Variants in SRPX observed in about 807,000 individuals in gnomAD.
The protein encoded by SRPX is sushi repeat containing protein X-linked.
Under a neutral mutation model 38.1 loss-of-function variants are expected in SRPX, and 24 were observed. The ratio of observed to expected loss-of-function variants is 0.63; its 90% CI spans 0.46 to 0.89. The LOEUF is 0.89. SRPX is among the 40% of genes least tolerant of loss of function. SRPX has a pLI of 0.00. For synonymous variants in SRPX, 184 were observed against 153.8 expected (o/e 1.20, Z -1.45); for missense variants, 416 against 377.8 (o/e 1.10, Z -0.84).
chrX:38,208,059 C>T (rs901149795), intron 1 of SRPX, among the ~76,000 whole-genome samples: 3 of 112,063 alleles, frequency 2.7e-5, no homozygotes, highest in African/African-American at 9.7e-5. Flanking sequence ...ACCCAAATCA[C>T]TACCATATAT....
intron 5 of SRPX, among the ~76,000 whole-genome samples, chrX:38,162,359 G>A (rs1938280009): frequency 9.0e-6 from 1 of 111,729 alleles, no homozygotes; most frequent in South Asian, 3.8e-4. Flanking sequence ...TAGTGAGAGC[G>A]AAAAGGGAAC....
intron 1 of SRPX, among the ~76,000 whole-genome samples, chrX:38,190,988 C>T (rs192347865): frequency 1.2e-3 from 135 of 111,289 alleles, no homozygotes; most frequent in African/African-American, 4.0e-3. Context: ...AAGCTGCCAA[C>T]GACAAAGATT....
intron 9 of SRPX, among the ~76,000 whole-genome samples, chrX:38,151,680 C>T (rs751438095): frequency 9.0e-6 from 1 of 111,037 alleles, no homozygotes; most frequent in African/African-American, 3.3e-5. Context: ...CCACTAGGGC[C>T]GAAAGACCAC....
chrX:38,202,478 A>G (rs1939131169), intron 1 of SRPX, among the ~76,000 whole-genome samples: 1 of 111,910 alleles, frequency 8.9e-6, no homozygotes, highest in Admixed American at 9.5e-5. Flanking sequence ...AAGAAACTAC[A>G]GAACAAAACA....
In SRPX at chrX:38,149,690, G is replaced by T. The variant is rs1937972117; in HGVS notation, c.*21C>A. 3 of 1,195,217 alleles carry T rather than the reference G, an allele frequency of 2.5e-6. No individual in the cohort carries two copies. Among genetic ancestry groups the T allele is most frequent in the African/African-American group, 1.8e-5 (1 of 56,997 alleles). ...ACTATGTAGACAATGAAGAGGAATT[G>T]CCAAGAGAGGAACCATCATGTCAGG... On this transcript the variant is annotated 3_prime_UTR_variant, in exon 10 of 10. Transcript: ENST00000378533.
intron 7 of SRPX, among the ~76,000 whole-genome samples, chrX:38,158,353 A>C (rs1376702732): frequency 8.9e-6 from 1 of 112,552 alleles, no homozygotes; most frequent in Non-Finnish European, 1.9e-5. Context: ...AGGCAAGCAA[A>C]AGGCTTAGCC....
At chrX:38,184,865 G>T (rs112157266) in intron 1 of SRPX, among the ~76,000 whole-genome samples, 1 of 112,168 alleles carries the variant, frequency 8.9e-6, no homozygotes, top group Admixed American at 9.4e-5. Flanking sequence ...TTTCTGCAAT[G>T]ATGGAAATAT....
intron 1 of SRPX, among the ~76,000 whole-genome samples, chrX:38,183,106 T>C (rs780088734): frequency 9.4e-6 from 1 of 106,300 alleles, no homozygotes; most frequent in Non-Finnish European, 1.9e-5. Context: ...CAGGAGGGAG[T>C]GTAGTGGTAT....
chrX:38,192,436 C>T (rs1302790389), intron 1 of SRPX, among the ~76,000 whole-genome samples: 2 of 111,531 alleles, frequency 1.8e-5, no homozygotes, highest in African/African-American at 6.5e-5. Flanking sequence ...CCCTGAAACA[C>T]AGCATTCAGG....
chrX:38,161,150 G>C lies in SRPX; in HGVS notation c.654-96C>G, dbSNP rs571677290. On this transcript the variant is annotated intron_variant, in intron 5 of 9. Transcript: ENST00000378533. Reference sequence around the variant, plus strand: ...TCTTTACAGGACATGGAGAGACTGAGGGGCAACCATTAGACCAGTTTAAAT... The same window carrying C: ...TCTTTACAGGACATGGAGAGACTGACGGGCAACCATTAGACCAGTTTAAAT... The C allele has an allele frequency of 1.3e-3, 1,289 of 991,973 alleles. 15 individuals are homozygous for C. In the South Asian group the frequency reaches 0.032, roughly 24 times the overall value. 81.7% of individuals were successfully genotyped at this position (991,973 alleles called of 1,213,427 possible).
At chrX:38,188,395 A>G (rs1938829240) in intron 1 of SRPX, among the ~76,000 whole-genome samples, 1 of 112,243 alleles carries the variant, frequency 8.9e-6, no homozygotes, top group Admixed American at 9.4e-5. Flanking sequence ...ATCAACTAAG[A>G]ATAGTATGTT....
intron 1 of SRPX, among the ~76,000 whole-genome samples, chrX:38,191,758 T>G (rs1447902059): frequency 8.9e-6 from 1 of 112,132 alleles, no homozygotes; most frequent in African/African-American, 3.2e-5. Context: ...GTGCATGGTA[T>G]GTGTGTGTTT....
chrX:38,159,940 G>C, intron 7 of SRPX, 77 bp downstream of exon 7: 2 of 1,082,124 alleles, frequency 1.8e-6, no homozygotes, highest in Non-Finnish European at 2.5e-6. Flanking sequence ...TATATGAAGG[G>C]AAACCTCTCT....
At chrX:38,164,093 A>G (rs1344469293) in intron 5 of SRPX, among the ~76,000 whole-genome samples, 1 of 108,899 alleles carries the variant, frequency 9.2e-6, no homozygotes, top group Admixed American at 9.8e-5. Flanking sequence ...TTTATTTTTA[A>G]TTTTTGTGAG....
intron 1 of SRPX, among the ~76,000 whole-genome samples, chrX:38,180,896 A>T (rs778505687): frequency 2.7e-5 from 3 of 112,484 alleles, no homozygotes; most frequent in Non-Finnish European, 5.6e-5. Context: ...ATGCATTAAG[A>T]TTTTAAAATA....
intron 1 of SRPX, among the ~76,000 whole-genome samples, chrX:38,193,834 C>T (rs1159514658): frequency 8.9e-6 from 1 of 111,851 alleles, no homozygotes; most frequent in Non-Finnish European, 1.9e-5. Context: ...AATTAGGATC[C>T]TATTTCAGGC....
intron 7 of SRPX, among the ~76,000 whole-genome samples, chrX:38,157,600 C>T (rs1938157877): frequency 8.9e-6 from 1 of 112,072 alleles, no homozygotes; most frequent in African/African-American, 3.2e-5. Flanking sequence ...GATACTCTTC[C>T]CATTTCAAAA....
intron 4 of SRPX, among the ~76,000 whole-genome samples, chrX:38,167,723 C>G (rs1464036414): frequency 8.9e-6 from 1 of 111,754 alleles, no homozygotes; most frequent in Non-Finnish European, 1.9e-5. Flanking sequence ...ATATGAGATA[C>G]AAATATATTG....
rs1939508948 is a variant in SRPX at position 38,220,770 on chromosome X, G to A, written c.23C>T (p.Pro8Leu). 2.6e-6 allele frequency: 3 copies of A among 1,133,683 alleles called. No homozygotes were observed. Among genetic ancestry groups the A allele is most frequent in the Non-Finnish European group, 3.5e-6 (3 of 863,462 alleles). 93.4% of individuals were successfully genotyped at this position (1,133,683 alleles called of 1,213,427 possible). The change falls in exon 1 of 10, where the codon CCC (proline) becomes CTC (leucine). Residue 8 changes from proline (P) to leucine (L), a missense_variant. Coordinates refer to ENST00000378533, the MANE Select transcript of SRPX (RefSeq NM_006307.5). ...AGGCGGCAGCAGCAGCAGCAGCGCG[G>A]GCCGATGTGCGGGGCTCCCCATGGC... MGSPAHR[P>L]ALLLLLPPLL...
Sources: allele counts gnomAD v4.1 joint callset (sites outside exome capture counted in the v4.1 genomes callset), GRCh38; gene constraint gnomAD v4.1.1; transcripts MANE v1.5; gene names NCBI Gene and HGNC (gene_info 2026-07-23, HGNC 2026-07-21).